The following ITSN2 variants were observed in gnomAD, a reference collection of about 807,000 sequenced individuals.
ITSN2 encodes intersectin-2.
In ITSN2, 156 loss-of-function variants were observed where a neutral mutation model predicts 243.7. That is an observed-to-expected ratio of 0.64 (90% CI 0.56 to 0.73). The LOEUF is 0.73. Among genes scored for constraint, ITSN2 ranks in the 30% least tolerant of loss-of-function variants. The pLI, the probability that ITSN2 is intolerant of heterozygous loss-of-function variation, is 0.00. For missense variants in ITSN2, 1,801 were observed against 1,996.1 expected (o/e 0.90, Z 1.86); for synonymous variants, 703 against 699.9 (o/e 1.00, Z -0.07).
intron 1 of ITSN2, among the ~76,000 whole-genome samples, chr2:24,345,643 T>G (rs1687454891): frequency 6.6e-6 from 1 of 151,780 alleles, no homozygotes; most frequent in South Asian, 2.1e-4. Flanking sequence ...TGACCATCCT[T>G]CCCCATCAGT....
rs193267144 is a variant in ITSN2, at chr2:24,249,165, C to T, written c.3121-283G>A. 3.0e-4 allele frequency among the ~76,000 whole-genome samples: 45 copies of T among 152,270 alleles called. No individual in the cohort carries two copies. The East Asian group carries it at 5.8e-3, about 20-fold the overall frequency. ...CGTTTTCTGAAACCTAAATATTAAA[C>T]ATGACCCTCCAGGCCAAATGCACTC... is the stretch of plus-strand genomic sequence containing the variant. On this transcript the variant is annotated intron_variant, in intron 25 of 39. Transcript: ENST00000355123. The surrounding 1 kb of genome is among the most constrained non-coding windows in gnomAD (Gnocchi z 4.4).
rs575195697 is a variant in ITSN2, at chr2:24,269,467, C to T, written c.2355+1204G>A. The stretch of plus-strand genomic sequence containing the variant: ...CAGTAGTAACTCATGACTAATACTT[C>T]ATGTTAATGATTCAGCAGAGTACAC... On this transcript the variant is annotated intron_variant, in intron 20 of 39. Coordinates refer to ENST00000355123, the MANE Select transcript of ITSN2 (RefSeq NM_006277.3). 8.9e-4 allele frequency among the ~76,000 whole-genome samples: 135 copies of T among 152,296 alleles called. 1 individual carries two copies. Among genetic ancestry groups the T allele is most frequent in the African/African-American group, 3.1e-3 (127 of 41,578 alleles).
At chr2:24,300,319 G>T in intron 11 of ITSN2, 148 bp from the exon 12 acceptor site, 1 of 720,232 alleles carries the variant, frequency 1.4e-6, no homozygotes, top group Non-Finnish European at 2.1e-6. Context: ...TCAAATCTAA[G>T]TGGAAAAATA....
At chr2:24,290,555 C>T (rs1312024800) in intron 15 of ITSN2, among the ~76,000 whole-genome samples, 1 of 152,106 alleles carries the variant, frequency 6.6e-6, no homozygotes. Context: ...CTTCCTCATA[C>T]CAAGATTATA....
chr2:24,207,645 G>A (rs1434050295), intron 37 of ITSN2, among the ~76,000 whole-genome samples: 7 of 152,024 alleles, frequency 4.6e-5, no homozygotes, highest in African/African-American at 1.2e-4. Context: ...GCGCCTCAGT[G>A]ACTGCCATCA....
intron 20 of ITSN2, among the ~76,000 whole-genome samples, chr2:24,266,087 T>G (rs1357675895): frequency 6.6e-6 from 1 of 152,224 alleles, no homozygotes; most frequent in Non-Finnish European, 1.5e-5. Context: ...TAAGCAAATA[T>G]AAGGCATAAT....
At chr2:24,302,737 T>C (rs1681941459) in intron 9 of ITSN2, among the ~76,000 whole-genome samples, 1 of 152,226 alleles carries the variant, frequency 6.6e-6, no homozygotes, top group Non-Finnish European at 1.5e-5. Flanking sequence ...TCTTACTCCA[T>C]GGTTAATTCA....
intron 15 of ITSN2, among the ~76,000 whole-genome samples, chr2:24,289,572 A>G (rs1234894139): frequency 6.6e-6 from 1 of 152,164 alleles, no homozygotes; most frequent in African/African-American, 2.4e-5. Context: ...CTACTTTTAC[A>G]ATTTGAATGT....
chr2:24,321,996 C>T lies in ITSN2; in HGVS notation c.31+6056G>A, dbSNP rs1684627432. 2 of 152,136 alleles carry T rather than the reference C, an allele frequency of 1.3e-5. 1 individual carries two copies. Among genetic ancestry groups the T allele is most frequent in the South Asian group, 4.1e-4 (2 of 4,832 alleles). 9.4% of individuals were successfully genotyped at this position (152,136 alleles called of 1,614,324 possible). On this transcript the variant is annotated intron_variant, in intron 2 of 39. Coordinates refer to ENST00000355123, the MANE Select transcript of ITSN2 (RefSeq NM_006277.3). ...GTAAGTGACAGAGCTGAGATTAGAA[C>T]CTGGGTAGCCTGACTCCAAAGCCTC... is the stretch of plus-strand genomic sequence containing the variant.
intron 11 of ITSN2, 37 bp downstream of exon 11, chr2:24,301,117 C>T (rs749731688): frequency 2.8e-6 from 3 of 1,084,096 alleles, no homozygotes; most frequent in Admixed American, 4.4e-5. Flanking sequence ...TTTAAAAGAA[C>T]TCAGTATAAA....
chr2:24,216,309 C>G, intron 31 of ITSN2, 77 bp from the exon 32 acceptor site: 1 of 1,188,326 alleles, frequency 8.4e-7, no homozygotes, highest in South Asian at 1.8e-5. Flanking sequence ...CATGGCAGAC[C>G]AATGGTAATG....
At chr2:24,286,667 T>C (rs1001353635) in intron 15 of ITSN2, among the ~76,000 whole-genome samples, 1 of 152,222 alleles carries the variant, frequency 6.6e-6, no homozygotes, top group East Asian at 1.9e-4. Context: ...ATGAGCATCA[T>C]GCTACATTAA....
At position 24,291,277 on chromosome 2, in the gene ITSN2, G is replaced by T. The variant is rs183334430; in HGVS notation, c.1723+2411C>A. ...TCCGAGTAGCTGAGACCACAGATGC[G>T]TGCCACTACCCCTACTGATTTTTGT... On this transcript the variant is annotated intron_variant, in intron 15 of 39. Transcript: ENST00000355123. Among the ~76,000 whole-genome samples, 414 of 152,004 alleles carry T rather than the reference G, an allele frequency of 2.7e-3. 2 individuals carry two copies. The highest frequency in any genetic ancestry group is 3.4e-3 in the Middle Eastern group (1 of 294).
rs71439123 is a variant in ITSN2, at chr2:24,316,340, G to A, written c.32-1116C>T. On this transcript the variant is annotated intron_variant, in intron 2 of 39. Transcript: ENST00000355123. ...TCTGTCACCAGGCTGGAGAGCAGCA[G>A]AGTGATCTCGGCTCACTGCAGCCTC... Among the ~76,000 whole-genome samples the A allele has an allele frequency of 7.5e-3, 1,139 of 152,288 alleles. 11 individuals are homozygous for A. Among genetic ancestry groups the A allele is most frequent in the Non-Finnish European group, 8.7e-3 (595 of 68,020 alleles).
chr2:24,216,897 GAC>G (rs1454195259), intron 31 of ITSN2, among the ~76,000 whole-genome samples: 1 of 152,098 alleles, frequency 6.6e-6, no homozygotes, highest in Admixed American at 6.5e-5. Flanking sequence ...CATCCTGGCT[GAC>G]ACAGTGAAAC....
chr2:24,273,489 A>G (rs1677632421), intron 18 of ITSN2: 1 of 152,226 alleles, frequency 6.6e-6, no homozygotes. Context: ...TCACTATCAG[A>G]GTACTTAGCA....
At chr2:24,311,220 G>A (rs2151741214) in intron 5 of ITSN2, among the ~76,000 whole-genome samples, 1 of 152,288 alleles carries the variant, frequency 6.6e-6, no homozygotes, top group East Asian at 1.9e-4. Flanking sequence ...TTTCTTGTAA[G>A]TAACATTCCT....
chr2:24,312,212 CA>C lies in ITSN2; in HGVS notation c.351del (p.Phe117LeufsTer21), dbSNP rs1683335546. 1 of 1,600,396 alleles carries C rather than the reference CA, an allele frequency of 6.2e-7. No homozygotes were observed. Among genetic ancestry groups the C allele is most frequent in the Non-Finnish European group, 8.5e-7 (1 of 1,172,768 alleles). On this transcript the variant is annotated frameshift_variant and splice_region_variant, in exon 5 of 40. Coordinates refer to ENST00000355123, the MANE Select transcript of ITSN2 (RefSeq NM_006277.3). LOFTEE classifies it high-confidence loss of function. ...PMFSPLISAR[F>X]GMGSMPNLSI... is the part of the protein sequence containing the mutation. ...GGTATTTAAATTAATACATACTTAC[CA>C]AAACGAGCAGAAATTAATGGAGAAA...
In ITSN2 at chr2:24,217,465, C is replaced by T. The variant is rs374317772; in HGVS notation, c.3806+442G>A. On this transcript the variant is annotated intron_variant, in intron 31 of 39. Transcript: ENST00000355123. ...ATCCCTGAGGGAAGCTGGGACTGCT[C>T]ATCCTCCCTTGGGGGGCCTGTCCTC... Among the ~76,000 whole-genome samples the T allele has an allele frequency of 1.2e-4, 18 of 152,266 alleles. No homozygotes were observed. In the East Asian group the frequency reaches 2.1e-3, roughly 18 times the overall value.
Sources: gnomAD v4.1 joint callset for allele counts (sites outside exome capture counted in the v4.1 genomes callset) on GRCh38, gnomAD v4.1.1 for gene constraint, Gnocchi (gnomAD v3.1) non-coding constraint, MANE v1.5 for transcripts, NCBI Gene and HGNC (gene_info 2026-07-23, HGNC 2026-07-21) for gene names.